Variants in NUMA1 observed in about 807,000 individuals in gnomAD.
The protein encoded by NUMA1 is SP-H antigen.
Under a neutral mutation model 237.1 loss-of-function variants are expected in NUMA1, and 62 were observed. That is an observed-to-expected ratio of 0.26 (90% CI 0.21 to 0.32). NUMA1 has a LOEUF of 0.32. Among genes scored for constraint, NUMA1 ranks in the 10% least tolerant of loss-of-function variants. The pLI is 1.00. For missense variants in NUMA1, 2,533 were observed against 2,666.5 expected (o/e 0.95, Z 1.10); for synonymous variants, 1,028 against 1,066.1 (o/e 0.96, Z 0.70).
intron 13 of NUMA1, 84 bp downstream of exon 13, chr11:72,017,603 A>C (rs749943481): frequency 7.8e-6 from 12 of 1,530,454 alleles, no homozygotes; most frequent in Middle Eastern, 1.7e-4. Context: ...TAATACCCAA[A>C]GGCCCAGAAG....
chr11:72,023,061 G>A lies in NUMA1; in HGVS notation c.291+4C>T, dbSNP rs1395647926. The stretch of plus-strand genomic sequence containing the variant: ...GCCTCCCCAGTCTGGTATTCCATAG[G>A]TACCTTCGCCAGTTCCAGCTCTGAT... On this transcript the variant is annotated splice_donor_region_variant and intron_variant, in intron 6 of 26. Coordinates refer to ENST00000393695, the MANE Select transcript of NUMA1 (RefSeq NM_006185.4). The A allele has an allele frequency of 2.5e-6, 4 of 1,610,802 alleles. No individual in the cohort carries two copies. The highest frequency in any genetic ancestry group is 1.1e-5 in the South Asian group (1 of 90,990).
At chr11:72,010,988 G>T in intron 16 of NUMA1, 134 bp from the exon 17 acceptor site, 1 of 794,368 alleles carries the variant, frequency 1.3e-6, no homozygotes, top group Non-Finnish European at 2.1e-6. Flanking sequence ...CCTTTCTCTG[G>T]CCTCCAATTA....
intron 4 of NUMA1, among the ~76,000 whole-genome samples, chr11:72,026,720 C>T (rs1939639981): frequency 6.6e-6 from 1 of 152,154 alleles, no homozygotes; most frequent in African/African-American, 2.4e-5. Flanking sequence ...CCACCCAACT[C>T]CCACAGCTTC....
At chr11:72,004,590 C>T in intron 24 of NUMA1, 50 bp downstream of exon 24, 1 of 1,574,872 alleles carries the variant, frequency 6.3e-7, no homozygotes, top group Non-Finnish European at 8.6e-7. Flanking sequence ...GTGAGCTGGG[C>T]CTGACCTGAG....
chr11:72,012,835 C>T (rs769509632), intron 15 of NUMA1, 60 bp downstream of exon 15: 42 of 1,570,408 alleles, frequency 2.7e-5, no homozygotes, highest in Non-Finnish European at 3.5e-5. Context: ...CACAGAGGAT[C>T]GATGTCCCCG....
chr11:72,004,320 A>G lies in NUMA1; in HGVS notation c.6028T>C (p.Phe2010Leu). 6.2e-7 allele frequency: 1 copy of G among 1,613,088 alleles called. No homozygotes were observed. Among genetic ancestry groups the G allele is most frequent in the African/African-American group, 1.3e-5 (1 of 74,904 alleles). Reference sequence around the variant, plus strand: ...TCTCGGGGAGTCATGGGGCGTGGGAAACAGCTGGTGGCCTTCTTAGACTAT... The same window carrying G: ...TCTCGGGGAGTCATGGGGCGTGGGAGACAGCTGGTGGCCTTCTTAGACTAT... ...TPESKKATSC[F>L]PRPMTPRDRH... Residue 2010 changes from phenylalanine to leucine, a missense_variant, in exon 25 of 27, where the codon TTC (phenylalanine) becomes CTC (leucine). Physicochemically the swap from Phe to Leu is conservative, Grantham distance 22. This residue lies in a region of NUMA1 where 795 missense variants were observed against 750.8 expected (regional missense o/e 1.06). Transcript: ENST00000393695.
intron 2 of NUMA1, among the ~76,000 whole-genome samples, chr11:72,037,158 T>C (rs1023766232): frequency 2.6e-5 from 4 of 152,194 alleles, no homozygotes; most frequent in Middle Eastern, 3.2e-3. Context: ...GTCCTTCCTA[T>C]CCAAGTATAC....
intron 2 of NUMA1, chr11:72,068,718 G>C (rs189578098): frequency 9.6e-4 from 146 of 152,316 alleles, no homozygotes; most frequent in African/African-American, 3.4e-3. Flanking sequence ...AAAGTGACTT[G>C]TTTTCCAGCA....
At chr11:72,040,699 A>T (rs1311678300) in intron 2 of NUMA1, 2 of 152,186 alleles carry the variant, frequency 1.3e-5, no homozygotes, top group Non-Finnish European at 2.9e-5. Flanking sequence ...GAACAAAAAC[A>T]TGCTGACATC....
intron 1 of NUMA1, among the ~76,000 whole-genome samples, chr11:72,077,759 A>T (rs1310357504): frequency 6.8e-6 from 1 of 147,958 alleles, no homozygotes; most frequent in East Asian, 2.0e-4. Flanking sequence ...GCTTGCAGTG[A>T]GCCGAGACTG....
intron 2 of NUMA1, among the ~76,000 whole-genome samples, chr11:72,052,505 C>T (rs1185394996): frequency 3.9e-5 from 6 of 152,110 alleles, no homozygotes; most frequent in African/African-American, 1.2e-4. Context: ...CGGTGGCTCA[C>T]GCCTGTAATC....
intron 2 of NUMA1, among the ~76,000 whole-genome samples, chr11:72,036,437 TG>T (rs1941032528): frequency 6.6e-6 from 1 of 152,238 alleles, no homozygotes. Context: ...TGGGTTATTG[TG>T]ATGCTTAAAG....
chr11:72,050,478 T>C (rs1019863410), intron 2 of NUMA1, among the ~76,000 whole-genome samples: 1 of 152,224 alleles, frequency 6.6e-6, no homozygotes, highest in African/African-American at 2.4e-5. Flanking sequence ...GAATGGTGTC[T>C]AACATGGGCA....
chr11:72,036,857 A>C (rs535049573), intron 2 of NUMA1, among the ~76,000 whole-genome samples: 3 of 152,276 alleles, frequency 2.0e-5, no homozygotes, highest in African/African-American at 4.8e-5. Context: ...ACCTCCTAGC[A>C]ACCCTTGCAA....
In NUMA1 at chr11:72,034,256, A is replaced by G. The variant is rs528103497; in HGVS notation, c.42+1646T>C. Among the ~76,000 whole-genome samples, 4 of 152,336 alleles carry G rather than the reference A, an allele frequency of 2.6e-5. No individual in the cohort carries two copies. The East Asian group carries it at 7.7e-4, about 29-fold the overall frequency. ...TCAAGAACTATGATTTATTGAGATA[A>G]CATGCTAAATGACTGCATGTATGTG... On this transcript the variant is annotated intron_variant, in intron 3 of 26. Coordinates refer to ENST00000393695, the MANE Select transcript of NUMA1 (RefSeq NM_006185.4).
intron 16 of NUMA1, 105 bp from the exon 17 acceptor site, chr11:72,010,959 T>C: frequency 2.0e-6 from 2 of 1,009,152 alleles, no homozygotes; most frequent in East Asian, 2.4e-5. Context: ...TCCCCAGTGT[T>C]CCTAGAATAA....
In NUMA1 at chr11:72,018,858, T is replaced by A; in HGVS notation, c.707A>T (p.Glu236Val). 1 of 1,612,882 alleles carries A rather than the reference T, an allele frequency of 6.2e-7. No homozygotes were observed. Among genetic ancestry groups the A allele is most frequent in the African/African-American group, 1.3e-5 (1 of 74,882 alleles). Residue 236 changes from glutamate to valine, a missense_variant, in exon 10 of 27, where the codon GAG becomes GTG. Glu to Val is a moderately radical substitution (Grantham distance 121). Transcript: ENST00000393695. ...ERSNRDELELELAENRKLLTE... is the reference protein window; with the variant it reads ...ERSNRDELELVLAENRKLLTE... ...GAGGAGCTTGCGGTTCTCAGCTAGC[T>A]CCAGCTCCAGCTCATCCCTATTACT...
intron 2 of NUMA1, among the ~76,000 whole-genome samples, chr11:72,043,209 A>G (rs1187045142): frequency 6.7e-6 from 1 of 149,532 alleles, no homozygotes; most frequent in Non-Finnish European, 1.5e-5. Flanking sequence ...AGTATAATAA[A>G]TAGTAGCTGG....
chr11:72,003,691 C>T, intron 26 of NUMA1, 153 bp from the exon 27 acceptor site: 1 of 1,065,674 alleles, frequency 9.4e-7, no homozygotes, highest in South Asian at 1.4e-5. Context: ...GCCTGAGCAG[C>T]TCTGGGTGCT....
Sources: allele counts gnomAD v4.1 joint callset (sites outside exome capture counted in the v4.1 genomes callset), GRCh38; gene constraint gnomAD v4.1.1; regional missense constraint gnomAD v4.1.1; transcripts MANE v1.5; gene names NCBI Gene and HGNC (gene_info 2026-07-23, HGNC 2026-07-21).